Variants in ABL2 observed in about 807,000 individuals in gnomAD.
ABL2 encodes tyrosine-protein kinase ABL2.
ABL2 carries 49 observed loss-of-function variants against 107.7 expected under a neutral mutation model. The ratio of observed to expected loss-of-function variants is 0.45; its 90% CI spans 0.36 to 0.58. The LOEUF (loss-of-function observed/expected upper bound fraction) is 0.58, where lower values mean the gene tolerates loss of function less well. Among genes scored for constraint, ABL2 ranks in the 20% least tolerant of loss-of-function variants. The pLI is 0.00. For synonymous variants in ABL2, 549 were observed against 548.6 expected, an observed-to-expected ratio of 1.00 and a Z score of -0.01; for missense variants, 1,245 against 1,457.0, an observed-to-expected ratio of 0.85 and a Z score of 2.37.
chr1:179,159,148 C>T (rs1421558617), intron 1 of ABL2, among the ~76,000 whole-genome samples: 2 of 152,162 alleles, frequency 1.3e-5, no homozygotes, highest in Non-Finnish European at 1.5e-5. Context: ...GTTTCCTCAT[C>T]TAAAAGTGAA....
At chr1:179,115,337 T>C (rs1335838430) in intron 8 of ABL2, among the ~76,000 whole-genome samples, 2 of 152,196 alleles carry the variant, frequency 1.3e-5, no homozygotes, top group Admixed American at 6.5e-5. Context: ...AATCCAACTA[T>C]TCTTAGAAAA....
In ABL2 at chr1:179,105,271, G is replaced by C. The variant is rs990776856; in HGVS notation, c.*2447C>G. 5 of 230,644 alleles carry C rather than the reference G, an allele frequency of 2.2e-5. No individual in the cohort carries two copies. Among genetic ancestry groups the C allele is most frequent in the Non-Finnish European group, 4.3e-5 (5 of 116,678 alleles). The allele number at this position is 230,644 out of a possible 1,614,324, so 14.3% of individuals were successfully genotyped here. On this transcript the variant is annotated 3_prime_UTR_variant, in exon 12 of 12. Transcript: ENST00000502732. ...ATACACTCAGTAGTGTTTCTCCAAG[G>C]CTTAGTTCCAGAACTCTCAAGGGAA...
In ABL2 at chr1:179,229,640, GCCGCCGCCGCCGCCA is replaced by G. The variant is rs1335721493; in HGVS notation, c.-258_-244del. ...GCGGCTCCGCGCCCCCAACGCCGCC[GCCGCCGCCGCCGCCA>G]CCGCCGCCGCCATCTTTAAACCACC... On this transcript the variant is annotated 5_prime_UTR_variant, in exon 1 of 12. Coordinates refer to ENST00000502732, the MANE Select transcript of ABL2 (RefSeq NM_007314.4). 3.6e-5 allele frequency: 18 copies of G among 496,878 alleles called. No homozygotes were observed. Among genetic ancestry groups the G allele is most frequent in the East Asian group, 1.1e-4 (3 of 27,064 alleles). 30.8% of individuals were successfully genotyped at this position (496,878 alleles called of 1,614,324 possible). A position where few individuals can be genotyped will look rare whatever the true frequency, so the allele number is the denominator to read the frequency against.
At chr1:179,216,777 G>A (rs571817729) in intron 1 of ABL2, among the ~76,000 whole-genome samples, 1 of 151,334 alleles carries the variant, frequency 6.6e-6, no homozygotes, top group Non-Finnish European at 1.5e-5. Flanking sequence ...TCCACCTCCC[G>A]GGTTCAAGCA....
In ABL2 at chr1:179,121,823, A is replaced by G; in HGVS notation, c.732T>C (p.Leu244=). 6.2e-7 allele frequency: 1 copy of G among 1,614,024 alleles called. No homozygotes were observed. Among genetic ancestry groups the G allele is most frequent in the Non-Finnish European group, 8.5e-7 (1 of 1,180,002 alleles). ...AESRFSTLAE[L]VHHHSTVADG... Reference sequence around the variant, plus strand: ...CAGCCACTGTGGAGTGATGGTGTACAAGCTCTGCCAAGGTGCTGAAGCGGC... The same window carrying G: ...CAGCCACTGTGGAGTGATGGTGTACGAGCTCTGCCAAGGTGCTGAAGCGGC... Residue 244 remains leucine, a synonymous_variant, in exon 5 of 12, where the codon CTT becomes CTC. Coordinates refer to ENST00000502732, the MANE Select transcript of ABL2 (RefSeq NM_007314.4).
chr1:179,143,686 ATTTATT>A (rs1312148228), intron 1 of ABL2, among the ~76,000 whole-genome samples: 3 of 152,194 alleles, frequency 2.0e-5, no homozygotes, highest in Non-Finnish European at 4.4e-5. Flanking sequence ...TTATTTACTT[ATTTATT>A]TTTATTTACT....
At chr1:179,124,464 CTTTTTTTTTTTT>C (rs562899587) in intron 4 of ABL2, among the ~76,000 whole-genome samples, 1 of 83,350 alleles carries the variant, frequency 1.2e-5, no homozygotes, top group Admixed American at 1.8e-4. Flanking sequence ...TTAGCTTCTG[CTTTTTTTTTTTT>C]TTTTTTTTTT....
intron 1 of ABL2, among the ~76,000 whole-genome samples, chr1:179,215,696 A>G (rs1662526452): frequency 6.7e-6 from 1 of 149,244 alleles, no homozygotes; most frequent in Admixed American, 6.7e-5. Flanking sequence ...CTCTGCCTCA[A>G]AAAAAAAAAA....
rs938977992 is a variant in ABL2 at position 179,100,089 on chromosome 1, C to T, written c.*7629G>A. On this transcript the variant is annotated 3_prime_UTR_variant, in exon 12 of 12. Coordinates refer to ENST00000502732, the MANE Select transcript of ABL2 (RefSeq NM_007314.4). ...ATGAGAGGGTTTTCAAACATATGCC[C>T]TAAAGAACCATAAACAAGTATCTCA... The T allele has an allele frequency of 8.6e-6, 2 of 232,210 alleles. No homozygotes were observed. The highest frequency in any genetic ancestry group is 8.5e-6 in the Non-Finnish European group (1 of 117,438). 14.4% of individuals were successfully genotyped at this position (232,210 alleles called of 1,614,324 possible). A position where few individuals can be genotyped will look rare whatever the true frequency, so the allele number is the denominator to read the frequency against.
At chr1:179,225,790 C>T (rs1040096219) in intron 1 of ABL2, among the ~76,000 whole-genome samples, 8 of 151,962 alleles carry the variant, frequency 5.3e-5, no homozygotes, top group African/African-American at 1.9e-4. Flanking sequence ...GCCTGTAATC[C>T]CAGCACTTTG....
chr1:179,204,866 A>C (rs184487285), intron 1 of ABL2, among the ~76,000 whole-genome samples: 2 of 152,186 alleles, frequency 1.3e-5, no homozygotes, highest in African/African-American at 4.8e-5. Context: ...AATCTGATTA[A>C]TAGACTCTGT....
chr1:179,207,061 A>G lies in ABL2; in HGVS notation c.157+22180T>C, dbSNP rs12726914. 7.4e-3 allele frequency among the ~76,000 whole-genome samples: 1,126 copies of G among 152,306 alleles called. 9 individuals carry two copies. Among genetic ancestry groups the G allele is most frequent in the Non-Finnish European group, 9.4e-3 (641 of 68,032 alleles). ...CAGTTTCCAACAGGCACAGCTGTACAGTGATGCCTGTCCATGGAGTGTCGT... is the reference window on the plus strand; with the variant it reads ...CAGTTTCCAACAGGCACAGCTGTACGGTGATGCCTGTCCATGGAGTGTCGT... On this transcript the variant is annotated intron_variant, in intron 1 of 11. Coordinates refer to ENST00000502732, the MANE Select transcript of ABL2 (RefSeq NM_007314.4).
intron 4 of ABL2, among the ~76,000 whole-genome samples, chr1:179,124,123 C>T (rs947698106): frequency 6.6e-6 from 1 of 151,814 alleles, no homozygotes; most frequent in Non-Finnish European, 1.5e-5. Context: ...CGCCTGTAGT[C>T]CCAGCTATTG....
intron 1 of ABL2, among the ~76,000 whole-genome samples, chr1:179,203,387 AACCAGTTAGTATGC>A (rs1661778208): frequency 6.6e-6 from 1 of 152,152 alleles, no homozygotes; most frequent in South Asian, 2.1e-4. Context: ...TCAAATTGGA[AACCAGTTAGTATGC>A]ACCATCACCC....
chr1:179,156,388 A>G (rs1658692055), intron 1 of ABL2, among the ~76,000 whole-genome samples: 1 of 152,162 alleles, frequency 6.6e-6, no homozygotes, highest in African/African-American at 2.4e-5. Flanking sequence ...GAAAAACCAT[A>G]CTTGAAATTA....
intron 1 of ABL2, among the ~76,000 whole-genome samples, chr1:179,203,575 T>A (rs557070804): frequency 1.1e-4 from 16 of 151,616 alleles, no homozygotes; most frequent in Admixed American, 7.3e-4. Context: ...AAAAAAAAAA[T>A]AACCTCTATT....
intron 1 of ABL2, among the ~76,000 whole-genome samples, chr1:179,177,748 G>A (rs1363281818): frequency 6.6e-6 from 1 of 152,114 alleles, no homozygotes; most frequent in Non-Finnish European, 1.5e-5. Context: ...GTATTAAGAG[G>A]TTATGAAACC....
intron 5 of ABL2, 42 bp downstream of exon 5, chr1:179,121,553 A>G: frequency 6.3e-7 from 1 of 1,590,220 alleles, no homozygotes; most frequent in Non-Finnish European, 8.6e-7. Flanking sequence ...ATTGAGCACA[A>G]AAGAAAAAGA....
At chr1:179,124,033 A>G (rs1655488033) in intron 4 of ABL2, among the ~76,000 whole-genome samples, 1 of 152,062 alleles carries the variant, frequency 6.6e-6, no homozygotes, top group Non-Finnish European at 1.5e-5. Flanking sequence ...CGAGGTCAGG[A>G]GATCGAGACC....
Sources: allele counts gnomAD v4.1 joint callset (sites outside exome capture counted in the v4.1 genomes callset), GRCh38; gene constraint gnomAD v4.1.1; transcripts MANE v1.5; gene names NCBI Gene and HGNC (gene_info 2026-07-23, HGNC 2026-07-21).